SMARCA1: variants seen among roughly 807,000 people sequenced by gnomAD.
SMARCA1 encodes the protein SNF2 related chromatin remodeling ATPase 1.
A neutral mutation model predicts 93.6 loss-of-function variants in SMARCA1; 17 were observed. The observed-to-expected ratio is 0.18, with a 90% CI of 0.12 to 0.27. SMARCA1 has a LOEUF of 0.27. SMARCA1 is among the 10% of genes least tolerant of loss of function. The probability of loss-of-function intolerance (pLI) is 1.00; values close to 1 mark genes in which losing one functional copy is unlikely to be tolerated. For missense variants in SMARCA1, 630 were observed against 819.0 expected, an observed-to-expected ratio of 0.77 and a Z score of 2.82; for synonymous variants, 271 against 271.4, an observed-to-expected ratio of 1.00 and a Z score of 0.01.
chrX:129,515,712 A>G lies in SMARCA1; in HGVS notation c.605T>C (p.Val202Ala). Reference sequence around the variant, plus strand: ...CATTTCATCAGCCAAAATGCCATTGACTCCATTTTCATATAAAGAGATCAA... The same window carrying G: ...CATTTCATCAGCCAAAATGCCATTGGCTCCATTTTCATATAAAGAGATCAA... ...NWLISLYENG[V>A]NGILADEMGL... The change falls in exon 5 of 25, where the codon GTC becomes GCC. Residue 202 changes from valine to alanine, a missense_variant. Physicochemically the swap from Val to Ala is moderately conservative, Grantham distance 64. This residue lies in a region of SMARCA1 where 382 missense variants were observed against 537.9 expected (regional missense o/e 0.71). Coordinates refer to ENST00000371121, the MANE Select transcript of SMARCA1 (RefSeq NM_001282874.2). The G allele has an allele frequency of 8.6e-7, 1 of 1,169,327 alleles. No individual in the cohort carries two copies. The highest frequency in any genetic ancestry group is 1.2e-6 in the Non-Finnish European group (1 of 857,757).
rs758413922 is a variant in SMARCA1 at position 129,500,721 on chromosome X, TACTC to T, written c.1168-884_1168-881del. 1.9e-3 allele frequency among the ~76,000 whole-genome samples: 214 copies of T among 112,028 alleles called. 1 individual carries two copies. The highest frequency in any genetic ancestry group is 6.3e-3 in the African/African-American group (194 of 30,869). ...AGAAAACCACGTGTCCCAGCACTAT[TACTC>T]ACTATCAATCATTTCCCCTACTTGA... On this transcript the variant is annotated intron_variant, in intron 9 of 24. Coordinates refer to ENST00000371121, the MANE Select transcript of SMARCA1 (RefSeq NM_001282874.2).
At chrX:129,470,772 G>A (rs1036997960) in intron 20 of SMARCA1, among the ~76,000 whole-genome samples, 1 of 111,168 alleles carries the variant, frequency 9.0e-6, no homozygotes, top group African/African-American at 3.3e-5. Context: ...GGGAGGCTTG[G>A]GCAGGAGAAT....
rs370743527 is a variant in SMARCA1 at position 129,465,667 on chromosome X, G to A, written c.2883C>T (p.Asn961=). The A allele has an allele frequency of 8.3e-6, 10 of 1,201,142 alleles. No homozygotes were observed. The highest frequency in any genetic ancestry group is 1.7e-5 in the African/African-American group (1 of 57,491). Residue 961 remains asparagine, a synonymous_variant, in exon 23 of 25, where the codon AAC becomes AAT. Transcript: ENST00000371121. ...AGAATCTATCTTCTTCCTCAGTATA[G>A]TTCTTTCCTTTGCTGGTTCCATACT... ...RIQYGTSKGK[N]YTEEEDRFLI...
At chrX:129,465,230 ATTGT>A (rs915861881) in intron 23 of SMARCA1, among the ~76,000 whole-genome samples, 2 of 111,578 alleles carry the variant, frequency 1.8e-5, no homozygotes, top group African/African-American at 6.5e-5. Flanking sequence ...GAACACTCAC[ATTGT>A]CTGTAATTTT....
At chrX:129,449,113 G>A (rs1037847255) in intron 23 of SMARCA1, among the ~76,000 whole-genome samples, 9 of 111,433 alleles carry the variant, frequency 8.1e-5, no homozygotes, top group Non-Finnish European at 1.7e-4. Context: ...ACTGGGTGAA[G>A]GGTGCATGAG....
At chrX:129,515,828 A>G in intron 4 of SMARCA1, 41 bp from the exon 5 acceptor site, 1 of 1,144,793 alleles carries the variant, frequency 8.7e-7, no homozygotes, top group South Asian at 1.8e-5. Flanking sequence ...TTTCATTAAC[A>G]TACTCAAGTA....
intron 23 of SMARCA1, among the ~76,000 whole-genome samples, chrX:129,464,073 C>T (rs1376770837): frequency 8.9e-6 from 1 of 112,483 alleles, no homozygotes; most frequent in African/African-American, 3.2e-5. Context: ...TATTTGCTAG[C>T]TCTCCAAGCA....
intron 20 of SMARCA1, among the ~76,000 whole-genome samples, chrX:129,469,980 A>G (rs1602664752): frequency 1.8e-5 from 2 of 111,827 alleles, no homozygotes; most frequent in Admixed American, 1.9e-4. Flanking sequence ...TTCAAACTAA[A>G]CTTTATTACT....
intron 14 of SMARCA1, 114 bp downstream of exon 14, chrX:129,491,827 C>A: frequency 2.1e-6 from 1 of 481,489 alleles, no homozygotes; most frequent in Admixed American, 3.9e-5. Context: ...ACTGTAACTT[C>A]TATAAAATCT....
intron 19 of SMARCA1, among the ~76,000 whole-genome samples, chrX:129,474,372 G>A (rs2124222142): frequency 9.0e-6 from 1 of 111,165 alleles, no homozygotes; most frequent in Non-Finnish European, 1.9e-5. Context: ...AAATTTCCAT[G>A]TCCAACAAAC....
At chrX:129,452,144 T>C (rs1184992669) in intron 23 of SMARCA1, among the ~76,000 whole-genome samples, 1 of 112,866 alleles carries the variant, frequency 8.9e-6, no homozygotes, top group Non-Finnish European at 1.9e-5. Flanking sequence ...TAAGTGACTA[T>C]GAAATGACTA....
chrX:129,461,880 T>G (rs1015054737), intron 23 of SMARCA1, among the ~76,000 whole-genome samples: 1 of 111,946 alleles, frequency 8.9e-6, no homozygotes, highest in Admixed American at 9.5e-5. Flanking sequence ...TCACAATCCT[T>G]TTAGCACAGA....
chrX:129,454,433 T>C (rs1004009163), intron 23 of SMARCA1, among the ~76,000 whole-genome samples: 2 of 111,900 alleles, frequency 1.8e-5, no homozygotes, highest in African/African-American at 6.5e-5. Flanking sequence ...AAAGCCAAAA[T>C]TGACAAATGA....
chrX:129,516,523 A>G (rs1056675620), intron 2 of SMARCA1, 26 bp from the exon 3 acceptor site: 2 of 1,159,977 alleles, frequency 1.7e-6, no homozygotes, highest in African/African-American at 1.8e-5. Context: ...AAAGAAAAGT[A>G]AGGACTTTCC....
intron 24 of SMARCA1, among the ~76,000 whole-genome samples, chrX:129,447,597 A>C (rs1275253681): frequency 1.8e-5 from 2 of 111,689 alleles, no homozygotes; most frequent in African/African-American, 3.2e-5. Context: ...GTTTTAACAT[A>C]CCATATTTCA....
chrX:129,478,740 G>A (rs773491964), intron 19 of SMARCA1, among the ~76,000 whole-genome samples: 2 of 112,246 alleles, frequency 1.8e-5, no homozygotes, highest in Admixed American at 9.4e-5. Context: ...TATCTCCAAA[G>A]AAGGAGCATA....
Position 129,492,089 on chromosome X carries a change from G to C in SMARCA1, c.1667C>G (p.Ala556Gly). Residue 556 changes from alanine (A) to glycine (G), a missense_variant, in exon 14 of 25, where the codon GCA becomes GGA. Coordinates refer to ENST00000371121, the MANE Select transcript of SMARCA1 (RefSeq NM_001282874.2). ...ATTAGGAGCATTAAAAGCCTCTATTGCTTCCTTTATTTTTTATTGATAAAG... is the reference window on the plus strand; with the variant it reads ...ATTAGGAGCATTAAAAGCCTCTATTCCTTCCTTTATTTTTTATTGATAAAG... The part of the protein sequence containing the change: ...LEVEFLGQRE[A>G]IEAFNAPNSS... 1 of 1,126,544 alleles carries C rather than the reference G, an allele frequency of 8.9e-7. No individual in the cohort carries two copies. Among genetic ancestry groups the C allele is most frequent in the Non-Finnish European group, 1.2e-6 (1 of 825,719 alleles). 92.8% of individuals were successfully genotyped at this position (1,126,544 alleles called of 1,213,427 possible).
chrX:129,450,679 T>G (rs1932247887), intron 23 of SMARCA1, among the ~76,000 whole-genome samples: 1 of 111,247 alleles, frequency 9.0e-6, no homozygotes, highest in East Asian at 2.8e-4. Flanking sequence ...ATTATTATTA[T>G]ATATATACAC....
intron 5 of SMARCA1, among the ~76,000 whole-genome samples, chrX:129,513,854 T>C (rs989129193): frequency 1.8e-5 from 2 of 111,718 alleles, no homozygotes; most frequent in Admixed American, 1.9e-4. Context: ...TGAGTACTTA[T>C]GCGACTGACT....
Sources: allele counts gnomAD v4.1 joint callset (sites outside exome capture counted in the v4.1 genomes callset), GRCh38; gene constraint gnomAD v4.1.1; regional missense constraint gnomAD v4.1.1; transcripts MANE v1.5; gene names NCBI Gene and HGNC (gene_info 2026-07-23, HGNC 2026-07-21).